Variants in PCDHGA7 observed in about 807,000 individuals in gnomAD.
PCDHGA7 encodes the protein protocadherin gamma-A7.
PCDHGA7 carries 44 observed loss-of-function variants against 58.3 expected under a neutral mutation model. That is an observed-to-expected ratio of 0.75 (90% confidence interval 0.59 to 0.97). The LOEUF (loss-of-function observed/expected upper bound fraction) is 0.97. Ranked by LOEUF, PCDHGA7 falls within the 50% of genes least tolerant of loss-of-function variation. The pLI, the probability that PCDHGA7 is intolerant of heterozygous loss-of-function variation, is 0.00. For missense variants in PCDHGA7, 1,266 were observed against 1,188.7 expected (o/e 1.06, Z -0.96); for synonymous variants, 516 against 504.2 (o/e 1.02, Z -0.31).
At chr5:141,494,445 A>G (rs1424475551) in intron 1 of PCDHGA7, among the ~76,000 whole-genome samples, 1 of 152,158 alleles carries the variant, frequency 6.6e-6, no homozygotes, top group East Asian at 1.9e-4. Flanking sequence ...TTGCCACTTT[A>G]GGGGGCTTTG....
chr5:141,393,486 A>G, intron 1 of PCDHGA7: 1 of 1,614,082 alleles, frequency 6.2e-7, no homozygotes. Flanking sequence ...TCGCTCTAGC[A>G]CAGTGCGCAT....
In PCDHGA7 at chr5:141,431,375, G is replaced by T. The variant is rs139873616; in HGVS notation, c.2424+46052G>T. ...ACGCGCCCTGGACCGCGAAGAAAAGGCTGCTCACCACCTGGTCCTTACGGC... is the reference window on the plus strand; with the variant it reads ...ACGCGCCCTGGACCGCGAAGAAAAGTCTGCTCACCACCTGGTCCTTACGGC... On this transcript the variant is annotated intron_variant, in intron 1 of 3. Coordinates refer to ENST00000518325, the MANE Select transcript of PCDHGA7 (RefSeq NM_018920.4). This position sits in a 1 kb window ranked among gnomAD's most constrained non-coding sequence, Gnocchi z 4.8. 21 of 1,613,422 alleles carry T rather than the reference G, an allele frequency of 1.3e-5. No homozygotes were observed. The African/African-American group carries it at 2.8e-4, about 21-fold the overall frequency.
intron 1 of PCDHGA7, chr5:141,427,812 G>T: frequency 6.6e-7 from 1 of 1,524,404 alleles, no homozygotes; most frequent in Non-Finnish European, 9.0e-7. Flanking sequence ...CGCACAGAGC[G>T]GGGTGGTGGT....
intron 1 of PCDHGA7, among the ~76,000 whole-genome samples, chr5:141,425,918 C>T (rs901485843): frequency 1.1e-4 from 16 of 152,200 alleles, no homozygotes; most frequent in Admixed American, 2.0e-4. Flanking sequence ...ACAGTCACTA[C>T]GAAAACTCAT....
chr5:141,412,209 T>G (rs917646798), intron 1 of PCDHGA7: 2 of 152,248 alleles, frequency 1.3e-5, no homozygotes. Flanking sequence ...TCATTTGACA[T>G]AAACACTTAC....
rs182905441 is a variant in PCDHGA7, at chr5:141,450,871, C to A, written c.2425-43936C>A. Among the ~76,000 whole-genome samples, 581 of 149,672 alleles carry A rather than the reference C, an allele frequency of 3.9e-3. 6 individuals carry two copies. Among genetic ancestry groups the A allele is most frequent in the Admixed American group, 0.011 (168 of 14,998 alleles). ...ATGGGGTCTTGCTCTGTCACCCAGGCTGGTGTGCAGTGGTGCGATATCGGC... is the reference window on the plus strand; with the variant it reads ...ATGGGGTCTTGCTCTGTCACCCAGGATGGTGTGCAGTGGTGCGATATCGGC... On this transcript the variant is annotated intron_variant, in intron 1 of 3. Coordinates refer to ENST00000518325, the MANE Select transcript of PCDHGA7 (RefSeq NM_018920.4).
Position 141,491,034 on chromosome 5 carries a change from T to G in PCDHGA7, c.2425-3773T>G, listed in dbSNP as rs375902824. 1 of 1,614,170 alleles carries G rather than the reference T, an allele frequency of 6.2e-7. No homozygotes were observed. The highest frequency in any genetic ancestry group is 8.5e-7 in the Non-Finnish European group (1 of 1,180,024). On this transcript the variant is annotated intron_variant, in intron 1 of 3. Coordinates refer to ENST00000518325, the MANE Select transcript of PCDHGA7 (RefSeq NM_018920.4). The surrounding 1 kb of genome is among the most constrained non-coding windows in gnomAD (Gnocchi z 6.9). ...CCAAGGTGACAGCCGTGGATGCTGATGCAGGCCACAATGCGTGGCTCTCCT... is the reference window on the plus strand; with the variant it reads ...CCAAGGTGACAGCCGTGGATGCTGAGGCAGGCCACAATGCGTGGCTCTCCT...
chr5:141,473,598 T>C (rs959841516), intron 1 of PCDHGA7, among the ~76,000 whole-genome samples: 8 of 152,066 alleles, frequency 5.3e-5, no homozygotes, highest in African/African-American at 1.9e-4. Flanking sequence ...CCTGTAGAAA[T>C]TAGCAAAGCA....
intron 1 of PCDHGA7, chr5:141,394,094 A>G (rs759909698): frequency 6.2e-7 from 1 of 1,613,934 alleles, no homozygotes; most frequent in Admixed American, 1.7e-5. Context: ...CCTCAGATCT[A>G]GGAACACCAC....
chr5:141,475,980 C>G (rs758066578), intron 1 of PCDHGA7: 3 of 1,028,500 alleles, frequency 2.9e-6, no homozygotes, highest in Admixed American at 2.4e-5. Context: ...ACTGAACAGC[C>G]GGCGAGCAAA....
At chr5:141,422,791 G>T (rs2096673253) in intron 1 of PCDHGA7, 2 of 1,614,020 alleles carry the variant, frequency 1.2e-6, no homozygotes, top group South Asian at 1.1e-5. Context: ...ACAATCCTTC[G>T]ACTATGAGCA....
chr5:141,495,221 G>A lies in PCDHGA7; in HGVS notation c.2483+356G>A, dbSNP rs376660961. On this transcript the variant is annotated intron_variant, in intron 2 of 3. Coordinates refer to ENST00000518325, the MANE Select transcript of PCDHGA7 (RefSeq NM_018920.4). ...ACTGCCTAACCCCCTCCCCTGAGTT[G>A]AGCTGGGCTCCATTATGACCTGGGG... Among the ~76,000 whole-genome samples, 26 of 152,300 alleles carry A rather than the reference G, an allele frequency of 1.7e-4. 1 individual carries two copies. The East Asian group carries it at 4.4e-3, about 26-fold the overall frequency.
intron 1 of PCDHGA7, chr5:141,428,239 G>T (rs1183885220): frequency 3.0e-6 from 3 of 997,526 alleles, no homozygotes; most frequent in Non-Finnish European, 4.6e-6. Flanking sequence ...CCTGCAGGAG[G>T]CACTGCCAGA....
chr5:141,443,385 T>G (rs2098386152), intron 1 of PCDHGA7, among the ~76,000 whole-genome samples: 2 of 151,940 alleles, frequency 1.3e-5, no homozygotes, highest in African/African-American at 4.8e-5. Flanking sequence ...CTTGGGAGGC[T>G]GAGGTGTGAG....
intron 1 of PCDHGA7, chr5:141,419,779 GCGCCTGCTAGT>G: frequency 6.2e-7 from 1 of 1,614,064 alleles, no homozygotes; most frequent in Non-Finnish European, 8.5e-7. Flanking sequence ...CGGTCCGCCA[GCGCCTGCTAGT>G]CGCTGTAAGA....
intron 1 of PCDHGA7, among the ~76,000 whole-genome samples, chr5:141,448,629 C>T (rs1188418541): frequency 6.6e-6 from 1 of 152,060 alleles, no homozygotes; most frequent in Non-Finnish European, 1.5e-5. Flanking sequence ...CCTTTCTTCA[C>T]ATTATATCCT....
chr5:141,476,574 G>A lies in PCDHGA7; in HGVS notation c.2425-18233G>A, dbSNP rs746783993. ...AGCGAGGCCGTGGCTCCGGGGACGC[G>A]CTTTCCGCTCGAGAGCGCGCACGAT... is the stretch of plus-strand genomic sequence containing the variant. On this transcript the variant is annotated intron_variant, in intron 1 of 3. Coordinates refer to ENST00000518325, the MANE Select transcript of PCDHGA7 (RefSeq NM_018920.4). The surrounding 1 kb of genome is among the most constrained non-coding windows in gnomAD (Gnocchi z 7.6). 40 of 1,614,084 alleles carry A rather than the reference G, an allele frequency of 2.5e-5. No homozygotes were observed. In the African/African-American group the frequency reaches 3.7e-4, roughly 15 times the overall value.
rs2099747616 is a variant in PCDHGA7 at position 141,493,318 on chromosome 5, TA to T, written c.2425-1487del. 6.6e-6 allele frequency among the ~76,000 whole-genome samples: 1 copy of T among 152,234 alleles called. No homozygotes were observed. Among genetic ancestry groups the T allele is most frequent in the South Asian group, 2.1e-4 (1 of 4,828 alleles). On this transcript the variant is annotated intron_variant, in intron 1 of 3. Coordinates refer to ENST00000518325, the MANE Select transcript of PCDHGA7 (RefSeq NM_018920.4). This position sits in a 1 kb window ranked among gnomAD's most constrained non-coding sequence, Gnocchi z 4.3. ...TTCACAGAGCAAGTAAGAGAGATTC[TA>T]ACCCCTGTCTAACTCCAGAATGTGT...
Position 141,487,535 on chromosome 5 carries a change from G to A in PCDHGA7, c.2425-7272G>A. 6.2e-7 allele frequency: 1 copy of A among 1,614,154 alleles called. No individual in the cohort carries two copies. Among genetic ancestry groups the A allele is most frequent in the South Asian group, 1.1e-5 (1 of 91,084 alleles). ...CACTCGGAGTGATAGCTTCATGATG[G>A]TGAAGTCACCCAGTGCACCTATGGC... On this transcript the variant is annotated intron_variant, in intron 1 of 3. Transcript: ENST00000518325. This position sits in a 1 kb window ranked among gnomAD's most constrained non-coding sequence, Gnocchi z 5.0.
Sources: gnomAD v4.1 joint callset for allele counts (sites outside exome capture counted in the v4.1 genomes callset) on GRCh38, gnomAD v4.1.1 for gene constraint, Gnocchi (gnomAD v3.1) non-coding constraint, MANE v1.5 for transcripts, NCBI Gene and HGNC (gene_info 2026-07-23, HGNC 2026-07-21) for gene names.